Variants in SLC12A6 observed in about 807,000 individuals in gnomAD.
SLC12A6 encodes solute carrier family 12 member 6.
Under a neutral mutation model 135.3 loss-of-function variants are expected in SLC12A6, and 66 were observed. The observed-to-expected ratio is 0.49, with a 90% CI of 0.40 to 0.60. The LOEUF (loss-of-function observed/expected upper bound fraction) is 0.60, where lower values mean the gene tolerates loss of function less well. Ranked by LOEUF, SLC12A6 falls within the 20% of genes least tolerant of loss-of-function variation. The pLI is 0.00. For missense variants in SLC12A6, 1,058 were observed against 1,452.3 expected (o/e 0.73, Z 4.41); for synonymous variants, 513 against 508.8 (o/e 1.01, Z -0.11).
At chr15:34,252,475 C>T (rs1165892933) in intron 9 of SLC12A6, 91 bp from the exon 10 acceptor site, 2 of 766,712 alleles carry the variant, frequency 2.6e-6, no homozygotes, top group East Asian at 5.2e-5. Context: ...AACAAGAACC[C>T]CATCTTTAAG....
chr15:34,238,437 T>G (rs750737045), intron 20 of SLC12A6, 36 bp from the exon 21 acceptor site: 2 of 1,545,616 alleles, frequency 1.3e-6, no homozygotes, highest in African/African-American at 1.4e-5. Flanking sequence ...GAAGAATCCT[T>G]AGGCTTGCCT....
intron 2 of SLC12A6, among the ~76,000 whole-genome samples, chr15:34,329,653 ATATT>A (rs1889706617): frequency 6.6e-6 from 1 of 152,184 alleles, no homozygotes; most frequent in African/African-American, 2.4e-5. Flanking sequence ...TTGATCACTG[ATATT>A]TAATCAAATA....
At chr15:34,240,584 T>G (rs965812638) in intron 19 of SLC12A6, 77 bp downstream of exon 19, 22 of 1,224,820 alleles carry the variant, frequency 1.8e-5, no homozygotes, top group Non-Finnish European at 1.9e-5. Context: ...AAGATTCAAG[T>G]AGAAGTTTGA....
At chr15:34,238,938 T>C (rs1487018057) in intron 20 of SLC12A6, 27 bp downstream of exon 20, 8 of 1,589,698 alleles carry the variant, frequency 5.0e-6, no homozygotes, top group Non-Finnish European at 6.9e-6. Context: ...CTTGGGCCTT[T>C]AGGTTTGTAT....
chr15:34,287,183 C>T (rs142854376), intron 2 of SLC12A6, among the ~76,000 whole-genome samples: 1,989 of 152,236 alleles, frequency 0.013, 53 homozygotes, highest in African/African-American at 0.046. Context: ...CTCCCTGTGT[C>T]CATGTGTTCT....
In SLC12A6 at chr15:34,251,905, G is replaced by A. The variant is rs114678059; in HGVS notation, c.1333+265C>T. 6.8e-3 allele frequency among the ~76,000 whole-genome samples: 1,043 copies of A among 152,300 alleles called. 8 individuals carry two copies. Among genetic ancestry groups the A allele is most frequent in the African/African-American group, 0.024 (1,011 of 41,562 alleles). On this transcript the variant is annotated intron_variant, in intron 10 of 25. Transcript: ENST00000354181. ...ACAAGAATACACGGAATATTTTACC[G>A]TAAGGTTAGAAAGTGATTTGCTCAA...
chr15:34,335,508 G>T (rs1366856414), intron 2 of SLC12A6, among the ~76,000 whole-genome samples: 1 of 152,186 alleles, frequency 6.6e-6, no homozygotes, highest in Non-Finnish European at 1.5e-5. Context: ...ATCATTAAAA[G>T]ATTACATTAG....
intron 2 of SLC12A6, among the ~76,000 whole-genome samples, chr15:34,302,811 G>A (rs111690467): frequency 0.012 from 1,818 of 151,912 alleles, 15 homozygotes; most frequent in Middle Eastern, 0.037. Flanking sequence ...TTAGCCTGGC[G>A]TAGTAGTGGA....
intron 20 of SLC12A6, 50 bp downstream of exon 20, chr15:34,238,915 T>C (rs1258234591): frequency 6.8e-7 from 1 of 1,469,346 alleles, no homozygotes; most frequent in African/African-American, 1.4e-5. Context: ...GAGATTTAAC[T>C]ATATACCCTC....
intron 3 of SLC12A6, among the ~76,000 whole-genome samples, chr15:34,268,381 C>A (rs902119758): frequency 6.6e-6 from 1 of 152,202 alleles, no homozygotes; most frequent in African/African-American, 2.4e-5. Context: ...TAATGTCCTA[C>A]TCATGGTCTA....
chr15:34,238,802 G>A, intron 20 of SLC12A6, 163 bp downstream of exon 20: 2 of 744,830 alleles, frequency 2.7e-6, no homozygotes, highest in South Asian at 1.4e-5. Context: ...GCTGAAGGGG[G>A]TAGGTAGAAT....
At chr15:34,284,589 T>C (rs1472790260) in intron 2 of SLC12A6, among the ~76,000 whole-genome samples, 1 of 152,140 alleles carries the variant, frequency 6.6e-6, no homozygotes, top group African/African-American at 2.4e-5. Flanking sequence ...CTTTGAGATC[T>C]GTAGCTCTTT....
chr15:34,317,291 A>G (rs1339603523), intron 2 of SLC12A6, among the ~76,000 whole-genome samples: 1 of 152,248 alleles, frequency 6.6e-6, no homozygotes, highest in Non-Finnish European at 1.5e-5. Flanking sequence ...TTCAAACAAG[A>G]TTCATAAAAA....
chr15:34,239,266 A>G (rs1266668623), intron 19 of SLC12A6, 106 bp from the exon 20 acceptor site: 2 of 849,542 alleles, frequency 2.4e-6, no homozygotes, highest in Non-Finnish European at 4.0e-6. Flanking sequence ...AAGTCTTCAT[A>G]ATACTATATC....
rs369219695 is a variant in SLC12A6, at chr15:34,235,971, T to C, written c.3227+44A>G. 36 of 1,465,606 alleles carry C rather than the reference T, an allele frequency of 2.5e-5. No homozygotes were observed. The African/African-American group carries it at 4.7e-4, about 19-fold the overall frequency. 90.8% of individuals were successfully genotyped at this position (1,465,606 alleles called of 1,614,324 possible). ...CCAGGCAAAGTCACATTTGTGCCAC[T>C]GATTAGGTAATTTTATGATAAACTT... On this transcript the variant is annotated intron_variant, in intron 24 of 25. Transcript: ENST00000354181.
chr15:34,252,440 A>G (rs1595435046), intron 9 of SLC12A6, 56 bp from the exon 10 acceptor site: 1 of 1,075,980 alleles, frequency 9.3e-7, no homozygotes. Context: ...TACATTAAAA[A>G]AAAAGGAAAC....
At chr15:34,304,245 C>A (rs1896448347) in intron 2 of SLC12A6, among the ~76,000 whole-genome samples, 1 of 152,088 alleles carries the variant, frequency 6.6e-6, no homozygotes, top group South Asian at 2.1e-4. Context: ...TAGCAGGAAT[C>A]AGTACTTTGT....
At chr15:34,244,178 A>G in intron 15 of SLC12A6, 106 bp from the exon 16 acceptor site, 1 of 753,342 alleles carries the variant, frequency 1.3e-6, no homozygotes, top group South Asian at 1.4e-5. Context: ...TAGACAACTA[A>G]CCCTTGATTA....
At chr15:34,252,817 T>G (rs1394200021) in intron 9 of SLC12A6, among the ~76,000 whole-genome samples, 2 of 152,248 alleles carry the variant, frequency 1.3e-5, no homozygotes, top group Non-Finnish European at 2.9e-5. Flanking sequence ...GAAGTCCTTT[T>G]GTTGTTCTTA....
Sources: allele counts gnomAD v4.1 joint callset (sites outside exome capture counted in the v4.1 genomes callset), GRCh38; gene constraint gnomAD v4.1.1; transcripts MANE v1.5; gene names NCBI Gene and HGNC (gene_info 2026-07-23, HGNC 2026-07-21).